Variants in ZC3H12B observed in about 807,000 individuals in gnomAD.
The protein encoded by ZC3H12B is probable ribonuclease ZC3H12B.
A neutral mutation model predicts 43.9 loss-of-function variants in ZC3H12B; 7 were observed. The observed-to-expected ratio is 0.16, with a 90% CI of 0.09 to 0.30. The LOEUF is 0.30. ZC3H12B is among the 10% of genes least tolerant of loss of function. The pLI is 1.00. For missense variants in ZC3H12B, 475 were observed against 670.2 expected (o/e 0.71, Z 3.22); for synonymous variants, 222 against 241.7 (o/e 0.92, Z 0.76).
intron 3 of ZC3H12B, among the ~76,000 whole-genome samples, chrX:65,441,252 A>G (rs1351746165): frequency 8.9e-6 from 1 of 111,851 alleles, no homozygotes; most frequent in Non-Finnish European, 1.9e-5. Flanking sequence ...GCCCCTCCCA[A>G]TGCAAAATAT....
the ZC3H12B span, among the ~76,000 whole-genome samples, chrX:65,211,667 T>C: frequency 2.2e-4 from 20 of 90,451 alleles, no homozygotes; most frequent in East Asian, 6.7e-3. Flanking sequence ...ATACATAATA[T>C]ATATTATATA....
chrX:65,329,376 A>G, the ZC3H12B span, among the ~76,000 whole-genome samples: 69 of 109,752 alleles, frequency 6.3e-4, no homozygotes, highest in African/African-American at 2.1e-3. Flanking sequence ...CATATCCTTC[A>G]CCCACTTTTT....
the ZC3H12B span, among the ~76,000 whole-genome samples, chrX:65,174,312 G>A: frequency 6.2e-5 from 7 of 112,487 alleles, no homozygotes; most frequent in South Asian, 3.7e-4. Context: ...CAAAAGTGAC[G>A]TTGTGTAAAA....
rs1408677631 is a variant in ZC3H12B, at chrX:65,450,470, TATATATGTATATGTATAC to T, written n.408-38171_408-38154del. Among the ~76,000 whole-genome samples the T allele has an allele frequency of 4.4e-3, 2 of 450 alleles. 1 individual carries two copies. The highest frequency in any genetic ancestry group is 4.9e-3 in the African/African-American group (2 of 410). 0.4% of individuals were successfully genotyped at this position (450 alleles called of 115,157 possible). On this transcript the variant is annotated intron_variant and non_coding_transcript_variant, in intron 3 of 5. Transcript: ENST00000617377. The stretch of plus-strand genomic sequence containing the variant: ...ATATACATATATGTATATATATGTG[TATATATGTATATGTATAC>T]ATATGTGTATATATGTATATGTATA...
intron 2 of ZC3H12B, among the ~76,000 whole-genome samples, chrX:65,392,165 T>C (rs907322031): frequency 2.7e-5 from 3 of 111,879 alleles, no homozygotes; most frequent in Middle Eastern, 4.6e-3. Flanking sequence ...TCCTGAGATT[T>C]CAGCCTCTGC....
chrX:65,060,188 T>G, the ZC3H12B span, among the ~76,000 whole-genome samples: 1 of 112,109 alleles, frequency 8.9e-6, no homozygotes, highest in Non-Finnish European at 1.9e-5. Context: ...CCATTCTAAT[T>G]GGGATGCACT....
At chrX:65,085,531 G>C in the ZC3H12B span, among the ~76,000 whole-genome samples, 3 of 111,192 alleles carry the variant, frequency 2.7e-5, no homozygotes, top group Non-Finnish European at 5.7e-5. Flanking sequence ...ACCCCAGTTT[G>C]TGTGGCCGAG....
the ZC3H12B span, among the ~76,000 whole-genome samples, chrX:65,063,203 T>A: frequency 5.4e-4 from 61 of 112,002 alleles, no homozygotes; most frequent in African/African-American, 1.8e-3. Context: ...ATATGTTGAA[T>A]AGGAGTGGTA....
At chrX:65,292,944 A>T in the ZC3H12B span, among the ~76,000 whole-genome samples, 1 of 112,311 alleles carries the variant, frequency 8.9e-6, no homozygotes, top group Non-Finnish European at 1.9e-5. Flanking sequence ...TGACTGTGCC[A>T]CTGCACTCAA....
the ZC3H12B span, among the ~76,000 whole-genome samples, chrX:65,074,998 C>T: frequency 9.0e-5 from 10 of 111,726 alleles, no homozygotes; most frequent in African/African-American, 3.3e-4. Flanking sequence ...TTCCTTGTTT[C>T]TTTGCTTGCT....
chrX:65,037,706 G>A, the ZC3H12B span, among the ~76,000 whole-genome samples: 1 of 110,802 alleles, frequency 9.0e-6, no homozygotes, highest in Non-Finnish European at 1.9e-5. Flanking sequence ...TGGTCTGATA[G>A]TACATTAGAT....
the ZC3H12B span, among the ~76,000 whole-genome samples, chrX:65,097,579 ATT>A: frequency 1.8e-5 from 2 of 111,802 alleles, no homozygotes; most frequent in Admixed American, 9.6e-5. Flanking sequence ...TGGAAATTAT[ATT>A]ATTTTAGAAT....
the ZC3H12B span, among the ~76,000 whole-genome samples, chrX:65,074,127 A>T: frequency 2.7e-5 from 3 of 111,229 alleles, no homozygotes; most frequent in South Asian, 1.1e-3. Context: ...TTTTCATATC[A>T]ACTTCAAAGG....
chrX:65,317,502 A>G, the ZC3H12B span, among the ~76,000 whole-genome samples: 4 of 108,899 alleles, frequency 3.7e-5, no homozygotes, highest in African/African-American at 6.7e-5. Context: ...ACTGAATCCA[A>G]TTTGTAGTAT....
At chrX:65,170,359 G>A in the ZC3H12B span, among the ~76,000 whole-genome samples, 1 of 111,778 alleles carries the variant, frequency 8.9e-6, no homozygotes, top group African/African-American at 3.2e-5. Context: ...TTGAATATTT[G>A]CCCCCACTGT....
the ZC3H12B span, among the ~76,000 whole-genome samples, chrX:65,125,917 C>T: frequency 9.0e-6 from 1 of 111,027 alleles, no homozygotes; most frequent in Non-Finnish European, 1.9e-5. Flanking sequence ...GAATTGTTAT[C>T]TGTTCCTCCA....
chrX:65,118,930 C>G, the ZC3H12B span, among the ~76,000 whole-genome samples: 17 of 108,795 alleles, frequency 1.6e-4, no homozygotes, highest in African/African-American at 3.4e-4. Flanking sequence ...ATAGTTTCCT[C>G]AGAATGATGG....
exon 1 of ZC3H12B, chrX:65,488,909 T>C (rs775119624): frequency 5.0e-6 from 6 of 1,210,299 alleles, no homozygotes; most frequent in Middle Eastern, 2.3e-4. Context: ...ATGCTGATTC[T>C]GAAGAGTGGA....
At chrX:65,476,356 T>C (rs2067991351) in intron 3 of ZC3H12B, among the ~76,000 whole-genome samples, 2 of 112,202 alleles carry the variant, frequency 1.8e-5, no homozygotes, top group African/African-American at 6.5e-5. Flanking sequence ...AGTTCACAGA[T>C]TCTTCTACTT....
Sources: gnomAD v4.1 joint callset for allele counts (sites outside exome capture counted in the v4.1 genomes callset) on GRCh38, gnomAD v4.1.1 for gene constraint, MANE v1.5 for transcripts, NCBI Gene and HGNC (gene_info 2026-07-23, HGNC 2026-07-21) for gene names.